PRDM5: variants seen among roughly 807,000 people sequenced by gnomAD.
PRDM5 encodes the protein PR/SET domain 5.
Under a neutral mutation model 81.2 loss-of-function variants are expected in PRDM5, and 56 were observed. The ratio of observed to expected loss-of-function variants is 0.69; its 90% confidence interval spans 0.56 to 0.86. The LOEUF (loss-of-function observed/expected upper bound fraction) is 0.86, where lower values mean the gene tolerates loss of function less well. Ranked by LOEUF, PRDM5 falls within the 40% of genes least tolerant of loss-of-function variation. The probability of loss-of-function intolerance (pLI) is 0.00; values close to 1 mark genes in which losing one functional copy is unlikely to be tolerated. For synonymous variants in PRDM5, 267 were observed against 256.4 expected, an observed-to-expected ratio of 1.04 and a Z score of -0.39; for missense variants, 697 against 770.1, an observed-to-expected ratio of 0.91 and a Z score of 1.12.
chr4:120,788,858 A>G (rs1312618648), intron 10 of PRDM5, among the ~76,000 whole-genome samples: 1 of 152,268 alleles, frequency 6.6e-6, no homozygotes, highest in Admixed American at 6.5e-5. Flanking sequence ...CAGAGAACCC[A>G]TGCATTCAAT....
intron 14 of PRDM5, among the ~76,000 whole-genome samples, chr4:120,750,299 G>A (rs558935332): frequency 1.1e-3 from 165 of 152,266 alleles, no homozygotes; most frequent in Admixed American, 2.4e-3. Context: ...TAATGCTAGA[G>A]CAGGGGCCCC....
chr4:120,861,170 G>A (rs1207943035), intron 2 of PRDM5, among the ~76,000 whole-genome samples: 1 of 152,066 alleles, frequency 6.6e-6, no homozygotes, highest in Non-Finnish European at 1.5e-5. Flanking sequence ...ACTTCACATG[G>A]CTAATTTTTA....
chr4:120,767,410 C>T (rs908067711), intron 13 of PRDM5, among the ~76,000 whole-genome samples: 1 of 152,124 alleles, frequency 6.6e-6, no homozygotes, highest in Admixed American at 6.6e-5. Flanking sequence ...GTCTTATTTC[C>T]TCTTCATAAA....
intron 4 of PRDM5, among the ~76,000 whole-genome samples, chr4:120,818,967 G>C (rs1754909709): frequency 6.6e-6 from 1 of 152,168 alleles, no homozygotes; most frequent in South Asian, 2.1e-4. Flanking sequence ...CATAAAAACA[G>C]TGCTGATTAA....
chr4:120,769,332 G>A (rs934289036), intron 13 of PRDM5, among the ~76,000 whole-genome samples: 2 of 152,158 alleles, frequency 1.3e-5, no homozygotes, highest in Non-Finnish European at 2.9e-5. Flanking sequence ...TCAGAAGTGG[G>A]CAGTGCTGAG....
chr4:120,756,748 T>C (rs1483116513), intron 13 of PRDM5, among the ~76,000 whole-genome samples: 1 of 152,218 alleles, frequency 6.6e-6, no homozygotes, highest in South Asian at 2.1e-4. Context: ...TTTTAGATTT[T>C]CAAAGTTTAT....
chr4:120,789,983 T>A (rs991413718), intron 10 of PRDM5, among the ~76,000 whole-genome samples: 2 of 152,042 alleles, frequency 1.3e-5, no homozygotes, highest in Admixed American at 6.6e-5. Flanking sequence ...GTCCCCACAA[T>A]CCTGATTAGG....
intron 8 of PRDM5, among the ~76,000 whole-genome samples, chr4:120,807,507 T>C (rs1753157410): frequency 6.6e-6 from 1 of 152,192 alleles, no homozygotes; most frequent in Admixed American, 6.5e-5. Context: ...GTGGCACACA[T>C]ACACCATGGA....
intron 3 of PRDM5, among the ~76,000 whole-genome samples, chr4:120,823,385 G>A (rs1349752749): frequency 6.6e-6 from 1 of 152,106 alleles, no homozygotes; most frequent in Admixed American, 6.6e-5. Flanking sequence ...GGCTCCACAG[G>A]ACCAGCTGCA....
chr4:120,730,308 TAACCTTTCTTCTCTTC>T (rs1740060116), intron 14 of PRDM5, among the ~76,000 whole-genome samples: 1 of 152,212 alleles, frequency 6.6e-6, no homozygotes, highest in Admixed American at 6.5e-5. Context: ...CGTATTATAT[TAACCTTTCTTCTCTTC>T]ACCGTTGCAA....
At chr4:120,738,952 T>C (rs1395022845) in intron 14 of PRDM5, among the ~76,000 whole-genome samples, 2 of 152,250 alleles carry the variant, frequency 1.3e-5, no homozygotes, top group African/African-American at 2.4e-5. Flanking sequence ...GTTTTGTGGA[T>C]TGACTGGGTT....
At chr4:120,754,947 T>A (rs1050123069) in intron 13 of PRDM5, among the ~76,000 whole-genome samples, 3 of 152,258 alleles carry the variant, frequency 2.0e-5, no homozygotes, top group Non-Finnish European at 4.4e-5. Context: ...CTCCTCATTT[T>A]AAGAATTTGT....
At chr4:120,902,772 C>T (rs1765361810) in intron 2 of PRDM5, among the ~76,000 whole-genome samples, 1 of 152,198 alleles carries the variant, frequency 6.6e-6, no homozygotes, top group South Asian at 2.1e-4. Flanking sequence ...ATGGCCAATA[C>T]AGAAAGTAAC....
chr4:120,780,658 C>T lies in PRDM5; in HGVS notation c.1443+485G>A, dbSNP rs1005867454. ...TTCTTTGAGTTAAGCAAGTATTTAT[C>T]GAGTCCCCATTCTGTACCAGAAACT... On this transcript the variant is annotated intron_variant, in intron 12 of 15. Transcript: ENST00000264808. 6.6e-5 allele frequency among the ~76,000 whole-genome samples: 10 copies of T among 152,020 alleles called. No individual in the cohort carries two copies. The South Asian group carries it at 8.3e-4, about 13-fold the overall frequency.
At chr4:120,895,177 C>G (rs1220130188) in intron 2 of PRDM5, among the ~76,000 whole-genome samples, 1 of 152,204 alleles carries the variant, frequency 6.6e-6, no homozygotes, top group South Asian at 2.1e-4. Flanking sequence ...CCTCCAGCTT[C>G]CAGCAAAGCA....
intron 14 of PRDM5, among the ~76,000 whole-genome samples, chr4:120,722,026 CAA>C (rs1158793532): frequency 1.3e-5 from 2 of 152,134 alleles, no homozygotes; most frequent in East Asian, 3.9e-4. Context: ...TGCTTGTGGC[CAA>C]AGAGAGAAAG....
At chr4:120,724,868 G>C (rs2149068266) in intron 14 of PRDM5, among the ~76,000 whole-genome samples, 1 of 152,286 alleles carries the variant, frequency 6.6e-6, no homozygotes, top group Middle Eastern at 3.4e-3. Context: ...CCATCAAGGA[G>C]CGGGCAGAAG....
chr4:120,759,538 T>A (rs1431106611), intron 13 of PRDM5, among the ~76,000 whole-genome samples: 1 of 152,222 alleles, frequency 6.6e-6, no homozygotes, highest in Non-Finnish European at 1.5e-5. Context: ...TTGTTATTCT[T>A]AGGTTTTCTT....
chr4:120,783,091 A>G (rs572268428), intron 11 of PRDM5, among the ~76,000 whole-genome samples: 1 of 152,230 alleles, frequency 6.6e-6, no homozygotes, highest in South Asian at 2.1e-4. Context: ...TATTCTTCAC[A>G]TTTTGAGCCA....
Sources: allele counts gnomAD v4.1 joint callset (sites outside exome capture counted in the v4.1 genomes callset), GRCh38; gene constraint gnomAD v4.1.1; transcripts MANE v1.5; gene names NCBI Gene and HGNC (gene_info 2026-07-23, HGNC 2026-07-21).